The following ERC1 variants were observed in gnomAD, a reference collection of about 807,000 sequenced individuals.
The protein encoded by ERC1 is ELKS/RAB6-interacting/CAST family member 1.
Under a neutral mutation model 132.0 loss-of-function variants are expected in ERC1, and 56 were observed. The observed-to-expected ratio is 0.42, with a 90% confidence interval of 0.34 to 0.53. The LOEUF is 0.53. ERC1 is among the 20% of genes least tolerant of loss of function. The pLI is 0.03. For missense variants in ERC1, 1,202 were observed against 1,349.9 expected, an observed-to-expected ratio of 0.89 and a Z score of 1.72; for synonymous variants, 478 against 476.1, an observed-to-expected ratio of 1.00 and a Z score of -0.05.
At chr12:1,253,085 A>C (rs1283781599) in intron 13 of ERC1, among the ~76,000 whole-genome samples, 1 of 152,208 alleles carries the variant, frequency 6.6e-6, no homozygotes, top group African/African-American at 2.4e-5. Flanking sequence ...TCTTATTATT[A>C]ATTCAAATAA....
intron 18 of ERC1, 36 bp from the exon 19 acceptor site, chr12:1,490,057 G>T: frequency 6.2e-7 from 1 of 1,604,714 alleles, no homozygotes; most frequent in Non-Finnish European, 8.5e-7. Context: ...AAATGGGATT[G>T]TTGTATCTGA....
intron 3 of ERC1, among the ~76,000 whole-genome samples, chr12:1,100,060 G>T (rs1944494157): frequency 6.6e-6 from 1 of 151,908 alleles, no homozygotes; most frequent in African/African-American, 2.4e-5. Flanking sequence ...ATGTTGGCCA[G>T]GCTGGTCTTG....
At chr12:1,346,632 A>T (rs1489559388) in intron 15 of ERC1, among the ~76,000 whole-genome samples, 1 of 152,186 alleles carries the variant, frequency 6.6e-6, no homozygotes, top group Non-Finnish European at 1.5e-5. Flanking sequence ...GTGTTGTGAC[A>T]TTTGTTTATT....
intron 1 of ERC1, among the ~76,000 whole-genome samples, chr12:1,018,670 A>G (rs974810526): frequency 2.6e-5 from 4 of 152,244 alleles, no homozygotes; most frequent in Non-Finnish European, 5.9e-5. Flanking sequence ...TTAAATGTAT[A>G]TGAACTATCT....
At chr12:997,428 G>A (rs904309099) in intron 1 of ERC1, among the ~76,000 whole-genome samples, 2 of 152,170 alleles carry the variant, frequency 1.3e-5, no homozygotes, top group African/African-American at 4.8e-5. Context: ...ATGGATGCTA[G>A]CATAATAATG....
At chr12:1,181,856 A>G (rs1426931864) in intron 9 of ERC1, 69 bp from the exon 10 acceptor site, 1 of 1,459,492 alleles carries the variant, frequency 6.9e-7, no homozygotes, top group Non-Finnish European at 9.3e-7. Context: ...AAATTCTGCT[A>G]AAAGCAGAAT....
intron 17 of ERC1, 199 bp from the exon 18 acceptor site, chr12:1,444,363 T>A (rs1227569925): frequency 2.2e-6 from 1 of 458,696 alleles, no homozygotes; most frequent in Non-Finnish European, 3.8e-6. Context: ...GAAGGGCGGC[T>A]GCGTGTGACA....
At chr12:1,049,774 T>C (rs1483236235) in intron 2 of ERC1, among the ~76,000 whole-genome samples, 1 of 140,522 alleles carries the variant, frequency 7.1e-6, no homozygotes, top group African/African-American at 2.7e-5. Flanking sequence ...TTTTTTAAGA[T>C]GGAGTCTCAC....
intron 15 of ERC1, among the ~76,000 whole-genome samples, chr12:1,311,602 A>G (rs1023865409): frequency 1.3e-5 from 2 of 151,634 alleles, no homozygotes; most frequent in East Asian, 1.9e-4. Flanking sequence ...TTTTTTTTCT[A>G]TGTATGTGAA....
At chr12:1,353,886 C>A (rs780907480) in intron 15 of ERC1, among the ~76,000 whole-genome samples, 1 of 152,180 alleles carries the variant, frequency 6.6e-6, no homozygotes, top group Non-Finnish European at 1.5e-5. Flanking sequence ...TATTCTTTAT[C>A]TTGACCTGCC....
chr12:1,096,956 C>T (rs1474477326), intron 3 of ERC1, among the ~76,000 whole-genome samples: 1 of 152,182 alleles, frequency 6.6e-6, no homozygotes, highest in Admixed American at 6.5e-5. Context: ...TCCTTACTAT[C>T]ATAGTATTGT....
rs181161694 is a variant in ERC1 at position 1,231,879 on chromosome 12, A to G, written c.2352-4890A>G. Among the ~76,000 whole-genome samples, 578 of 152,198 alleles carry G rather than the reference A, an allele frequency of 3.8e-3. 4 individuals carry two copies. The highest frequency in any genetic ancestry group is 0.013 in the African/African-American group (546 of 41,522). On this transcript the variant is annotated intron_variant, in intron 12 of 18. Transcript: ENST00000360905. ...CTCCGCCTCCCAAGTAGCTGGGACT[A>G]CAGGCGCCCGCCACCACGCCCAGCT...
At chr12:1,375,244 G>A (rs1417308061) in intron 16 of ERC1, among the ~76,000 whole-genome samples, 1 of 152,212 alleles carries the variant, frequency 6.6e-6, no homozygotes, top group African/African-American at 2.4e-5. Flanking sequence ...TGAAGGGGAA[G>A]CAAGGCACAT....
intron 8 of ERC1, among the ~76,000 whole-genome samples, chr12:1,166,468 T>G (rs1020267488): frequency 3.3e-5 from 5 of 152,170 alleles, no homozygotes; most frequent in African/African-American, 7.2e-5. Context: ...AGCATGAAAA[T>G]GGACAAATAC....
Position 1,279,673 on chromosome 12 carries a change from A to T in ERC1, c.2620-10179A>T, listed in dbSNP as rs374938877. On this transcript the variant is annotated intron_variant, in intron 14 of 18. Transcript: ENST00000360905. ...TCAAAGCAGACTTTTTTTTTTTTTT[A>T]ATTTTATTTTATTTTATTTATTTAT... Among the ~76,000 whole-genome samples the T allele has an allele frequency of 6.4e-3, 806 of 125,440 alleles. 2 individuals carry two copies. The highest frequency in any genetic ancestry group is 0.019 in the Middle Eastern group (4 of 212). 82.3% of individuals were successfully genotyped at this position (125,440 alleles called of 152,430 possible).
At chr12:1,407,529 AT>A (rs1285225860) in intron 16 of ERC1, among the ~76,000 whole-genome samples, 1 of 151,982 alleles carries the variant, frequency 6.6e-6, no homozygotes, top group Non-Finnish European at 1.5e-5. Flanking sequence ...TCTTTATTTT[AT>A]TTTTTATTTT....
At chr12:1,121,693 ATCTCTATCTCTATCTGTG>A (rs1566012291) in intron 7 of ERC1, among the ~76,000 whole-genome samples, 27 of 59,502 alleles carry the variant, frequency 4.5e-4, no homozygotes, top group Admixed American at 6.9e-4. Flanking sequence ...CTCTATCTCT[ATCTCTATCTCTATCTGTG>A]TCTCTATCTC....
intron 7 of ERC1, among the ~76,000 whole-genome samples, chr12:1,131,467 G>GT (rs1452764647): frequency 1.3e-5 from 2 of 151,834 alleles, no homozygotes; most frequent in African/African-American, 4.8e-5. Context: ...GAGAGAATTG[G>GT]TTTTTTTTAA....
chr12:1,318,850 T>C (rs2081940236), intron 15 of ERC1, among the ~76,000 whole-genome samples: 2 of 150,088 alleles, frequency 1.3e-5, no homozygotes, highest in Non-Finnish European at 3.0e-5. Flanking sequence ...TCCACAGAGA[T>C]CAGTTTACGG....
Sources: allele counts gnomAD v4.1 joint callset (sites outside exome capture counted in the v4.1 genomes callset), GRCh38; gene constraint gnomAD v4.1.1; transcripts MANE v1.5; gene names NCBI Gene and HGNC (gene_info 2026-07-23, HGNC 2026-07-21).